Variants in CEP112 observed in about 807,000 individuals in gnomAD.
The protein encoded by CEP112 is centrosomal protein 112.
In CEP112, 127 loss-of-function variants were observed where a neutral mutation model predicts 153.0. The observed-to-expected ratio is 0.83, with a 90% CI of 0.72 to 0.96. The LOEUF (loss-of-function observed/expected upper bound fraction) is 0.96, where lower values mean the gene tolerates loss of function less well. Among genes scored for constraint, CEP112 ranks in the 40% least tolerant of loss-of-function variants. The pLI, the probability that CEP112 is intolerant of heterozygous loss-of-function variation, is 0.00. For synonymous variants in CEP112, 358 were observed against 374.4 expected (o/e 0.96, Z 0.51); for missense variants, 1,089 against 1,101.2 (o/e 0.99, Z 0.16).
At chr17:66,133,200 T>A (rs1421404720) in intron 4 of CEP112, among the ~76,000 whole-genome samples, 3 of 152,224 alleles carry the variant, frequency 2.0e-5, no homozygotes, top group Non-Finnish European at 4.4e-5. Flanking sequence ...AAATGCTATT[T>A]TTAAGTCAGA....
At chr17:65,997,264 T>A (rs917972659) in intron 17 of CEP112, among the ~76,000 whole-genome samples, 1 of 152,130 alleles carries the variant, frequency 6.6e-6, no homozygotes, top group African/African-American at 2.4e-5. Flanking sequence ...TCTTTCCTAT[T>A]CTATAATCCA....
intron 19 of CEP112, among the ~76,000 whole-genome samples, chr17:65,922,973 C>T (rs1280176405): frequency 1.3e-5 from 2 of 152,090 alleles, no homozygotes; most frequent in African/African-American, 4.8e-5. Context: ...TTTCTGAAAC[C>T]AGTTTCCAAG....
intron 17 of CEP112, among the ~76,000 whole-genome samples, chr17:65,965,218 G>T (rs1215120610): frequency 6.6e-6 from 1 of 152,028 alleles, no homozygotes; most frequent in African/African-American, 2.4e-5. Context: ...ATAAACTTTA[G>T]CTATCCGTCA....
intron 18 of CEP112, among the ~76,000 whole-genome samples, chr17:65,958,651 G>A (rs1259385476): frequency 1.6e-5 from 2 of 127,072 alleles, no homozygotes; most frequent in Admixed American, 8.6e-5. Flanking sequence ...CCAAGTGGGT[G>A]CTGATGGCAG....
intron 21 of CEP112, among the ~76,000 whole-genome samples, chr17:65,805,756 T>C (rs1306557167): frequency 6.6e-6 from 1 of 152,218 alleles, no homozygotes; most frequent in Non-Finnish European, 1.5e-5. Flanking sequence ...CAGTGCTTTG[T>C]TGAAAAAATA....
At chr17:66,025,946 C>CACACACACACACACAG (rs1440369103) in intron 16 of CEP112, among the ~76,000 whole-genome samples, 2 of 122,806 alleles carry the variant, frequency 1.6e-5, no homozygotes, top group Admixed American at 1.5e-4. Flanking sequence ...CACACACACA[C>CACACACACACACACAG]ACATATATAG....
intron 21 of CEP112, among the ~76,000 whole-genome samples, chr17:65,800,049 T>G (rs1212849007): frequency 1.3e-5 from 2 of 152,184 alleles, no homozygotes; most frequent in African/African-American, 4.8e-5. Context: ...TCACATGTTC[T>G]TCTGCTTCTT....
chr17:65,997,072 G>A lies in CEP112; in HGVS notation c.1736+8618C>T, dbSNP rs569318961. 1.3e-3 allele frequency among the ~76,000 whole-genome samples: 195 copies of A among 152,164 alleles called. 1 individual carries two copies. Among genetic ancestry groups the A allele is most frequent in the African/African-American group, 4.4e-3 (182 of 41,492 alleles). On this transcript the variant is annotated intron_variant, in intron 17 of 26. Transcript: ENST00000535342. ...AAAATACAAAATAAATTAGGCAGGC[G>A]TGGTGGTGTGCACCTGTAGTCCCAG...
intron 24 of CEP112, among the ~76,000 whole-genome samples, chr17:65,663,817 C>T (rs192685070): frequency 2.7e-4 from 41 of 152,170 alleles, no homozygotes; most frequent in Non-Finnish European, 3.7e-4. Context: ...AAGGCCGAGG[C>T]GGGCAGATCA....
chr17:65,795,235 A>T (rs1238726624), intron 21 of CEP112, among the ~76,000 whole-genome samples: 1 of 152,148 alleles, frequency 6.6e-6, no homozygotes. Context: ...TCACACTACT[A>T]ACTGTCTAAA....
intron 24 of CEP112, among the ~76,000 whole-genome samples, chr17:65,669,498 G>A (rs2046858974): frequency 6.6e-6 from 1 of 152,184 alleles, no homozygotes; most frequent in Non-Finnish European, 1.5e-5. Context: ...GAGAGAGAAT[G>A]TATAGCTGGG....
At chr17:66,061,343 T>C (rs867343683) in intron 11 of CEP112, among the ~76,000 whole-genome samples, 1 of 152,020 alleles carries the variant, frequency 6.6e-6, no homozygotes, top group African/African-American at 2.4e-5. Context: ...GAATACAAAT[T>C]AGTACAGCCA....
intron 6 of CEP112, among the ~76,000 whole-genome samples, chr17:66,122,691 G>A (rs1374634931): frequency 2.0e-5 from 3 of 152,120 alleles, no homozygotes; most frequent in Non-Finnish European, 2.9e-5. Context: ...ATTGCTGGCT[G>A]TTTGTTCTAT....
intron 23 of CEP112, among the ~76,000 whole-genome samples, chr17:65,716,822 T>C (rs538900200): frequency 6.6e-6 from 1 of 152,170 alleles, no homozygotes; most frequent in East Asian, 1.9e-4. Flanking sequence ...CTGAAGTGCA[T>C]GATGCTGTAG....
intron 8 of CEP112, among the ~76,000 whole-genome samples, chr17:66,080,248 G>A (rs2067664736): frequency 6.6e-6 from 1 of 152,064 alleles, no homozygotes; most frequent in South Asian, 2.1e-4. Flanking sequence ...GAAAATTTTT[G>A]CAATCTATCC....
intron 19 of CEP112, among the ~76,000 whole-genome samples, chr17:65,925,813 T>C (rs1486488795): frequency 6.6e-6 from 1 of 152,142 alleles, no homozygotes; most frequent in East Asian, 1.9e-4. Context: ...CCATTTCCCA[T>C]AGCAATGTTC....
chr17:65,993,389 C>A (rs2063666508), intron 17 of CEP112, among the ~76,000 whole-genome samples: 1 of 152,090 alleles, frequency 6.6e-6, no homozygotes. Flanking sequence ...GTGAATGGTG[C>A]TGCAATGAAC....
intron 23 of CEP112, among the ~76,000 whole-genome samples, chr17:65,704,996 A>G (rs963026533): frequency 2.0e-5 from 3 of 152,244 alleles, no homozygotes; most frequent in Non-Finnish European, 4.4e-5. Flanking sequence ...GTTAGTTATC[A>G]ACAACAAAGC....
rs1210393248 is a variant in CEP112 at position 66,191,465 on chromosome 17, G to C, written c.-9+532C>G. ...AACACAGGGTAGCATCCTACATGCG[G>C]CGGTGCTGGGCTTGGGCCTCTCCAA... On this transcript the variant is annotated intron_variant, in intron 1 of 26. Transcript: ENST00000535342. The surrounding 1 kb of genome is among the most constrained non-coding windows in gnomAD (Gnocchi z 4.2). 6.6e-6 allele frequency among the ~76,000 whole-genome samples: 1 copy of C among 152,214 alleles called. No homozygotes were observed. The highest frequency in any genetic ancestry group is 6.5e-5 in the Admixed American group (1 of 15,286).
Sources: gnomAD v4.1 joint callset for allele counts (sites outside exome capture counted in the v4.1 genomes callset) on GRCh38, gnomAD v4.1.1 for gene constraint, Gnocchi (gnomAD v3.1) non-coding constraint, MANE v1.5 for transcripts, NCBI Gene and HGNC (gene_info 2026-07-23, HGNC 2026-07-21) for gene names.